MAST2: variants seen among roughly 807,000 people sequenced by gnomAD.
The protein encoded by MAST2 is microtubule-associated serine/threonine-protein kinase 2.
In MAST2, 70 loss-of-function variants were observed where a neutral mutation model predicts 147.4. The observed-to-expected ratio is 0.47, with a 90% CI of 0.39 to 0.58. The LOEUF is 0.58. Ranked by LOEUF, MAST2 falls within the 20% of genes least tolerant of loss-of-function variation. The pLI is 0.00. For synonymous variants in MAST2, 869 were observed against 896.8 expected, an observed-to-expected ratio of 0.97 and a Z score of 0.55; for missense variants, 2,080 against 2,302.3, an observed-to-expected ratio of 0.90 and a Z score of 1.98.
Position 45,913,507 on chromosome 1 carries a change from C to T in MAST2, c.500+31112C>T, listed in dbSNP as rs1317232415. On this transcript the variant is annotated intron_variant, in intron 4 of 28. Coordinates refer to ENST00000361297, the MANE Select transcript of MAST2 (RefSeq NM_015112.3). ...GAGGGAGTTTGGTGCTTGTCACTGACGCAGGAACAAGGTGCTTTCTGTAGC... is the reference window on the plus strand; with the variant it reads ...GAGGGAGTTTGGTGCTTGTCACTGATGCAGGAACAAGGTGCTTTCTGTAGC... 1.8e-5 allele frequency: 15 copies of T among 826,780 alleles called. No homozygotes were observed. In the East Asian group the frequency reaches 3.7e-4, roughly 20 times the overall value. 51.2% of individuals were successfully genotyped at this position (826,780 alleles called of 1,614,324 possible). A position where few individuals can be genotyped will look rare whatever the true frequency, so the allele number is the denominator to read the frequency against.
At chr1:45,865,611 G>T (rs1391930920) in intron 3 of MAST2, among the ~76,000 whole-genome samples, 1 of 152,024 alleles carries the variant, frequency 6.6e-6, no homozygotes, top group Admixed American at 6.6e-5. Context: ...TGTCTGTGTT[G>T]TCTGTCCATC....
intron 1 of MAST2, among the ~76,000 whole-genome samples, chr1:45,813,729 C>T (rs377659858): frequency 5.3e-5 from 8 of 152,086 alleles, no homozygotes; most frequent in East Asian, 1.9e-4. Flanking sequence ...GAACTTCTGA[C>T]GTCAGGTGAG....
intron 4 of MAST2, among the ~76,000 whole-genome samples, chr1:45,948,999 A>G (rs1022956914): frequency 7.9e-5 from 12 of 152,254 alleles, no homozygotes; most frequent in African/African-American, 2.9e-4. Flanking sequence ...CCTATTCAGT[A>G]AGTGGTTCTG....
chr1:46,010,004 C>T (rs954346585), intron 9 of MAST2, among the ~76,000 whole-genome samples: 1 of 152,198 alleles, frequency 6.6e-6, no homozygotes, highest in South Asian at 2.1e-4. Flanking sequence ...AGCCAGACCT[C>T]CATTCTCCTC....
chr1:45,852,803 A>G (rs1418557435), intron 3 of MAST2, among the ~76,000 whole-genome samples: 2 of 134,312 alleles, frequency 1.5e-5, no homozygotes, highest in East Asian at 4.9e-4. Context: ...CTTTGTGTGT[A>G]GTATTCCATT....
intron 4 of MAST2, among the ~76,000 whole-genome samples, chr1:45,912,690 G>A (rs1651864020): frequency 6.6e-6 from 1 of 152,204 alleles, no homozygotes; most frequent in African/African-American, 2.4e-5. Flanking sequence ...CTTCTCTTTG[G>A]CTCTCTTAGC....
At position 46,029,850 on chromosome 1, in the gene MAST2, G is replaced by A. The variant is rs1646568520; in HGVS notation, c.2340G>A (p.Lys780=). The change falls in exon 20 of 29, where the codon AAG becomes AAA. Residue 780 remains lysine (K), a synonymous_variant. Coordinates refer to ENST00000361297, the MANE Select transcript of MAST2 (RefSeq NM_015112.3). ...CCACAGGCAGTGCCTATGAGGTGAAGCAGCACCCATTCTTTACTGGTCTGG... is the reference window on the plus strand; with the variant it reads ...CCACAGGCAGTGCCTATGAGGTGAAACAGCACCCATTCTTTACTGGTCTGG... ...RLGTGSAYEV[K]QHPFFTGLDW... 1 of 1,614,192 alleles carries A rather than the reference G, an allele frequency of 6.2e-7. No individual in the cohort carries two copies. Among genetic ancestry groups the A allele is most frequent in the Non-Finnish European group, 8.5e-7 (1 of 1,180,034 alleles).
chr1:45,886,556 A>G (rs1198027445), intron 4 of MAST2, among the ~76,000 whole-genome samples: 2 of 152,006 alleles, frequency 1.3e-5, no homozygotes, highest in Non-Finnish European at 2.9e-5. Context: ...TCATATTTAA[A>G]CCCATCTGGG....
At chr1:45,811,378 G>GC (rs2148641943) in intron 1 of MAST2, among the ~76,000 whole-genome samples, 1 of 132,808 alleles carries the variant, frequency 7.5e-6, no homozygotes, top group East Asian at 2.3e-4. Context: ...ACGCTCTGTC[G>GC]CCCAGACTCG....
chr1:45,938,750 C>A (rs1656671291), intron 4 of MAST2, among the ~76,000 whole-genome samples: 1 of 152,150 alleles, frequency 6.6e-6, no homozygotes, highest in African/African-American at 2.4e-5. Flanking sequence ...TGATTTTAAC[C>A]ATTCTAGTGG....
At chr1:45,876,208 T>A (rs186155744) in intron 3 of MAST2, among the ~76,000 whole-genome samples, 1 of 152,184 alleles carries the variant, frequency 6.6e-6, no homozygotes, top group Non-Finnish European at 1.5e-5. Flanking sequence ...TTAAATGGGC[T>A]GGTAAGGTCT....
chr1:45,989,392 C>T (rs1644772788), intron 5 of MAST2, among the ~76,000 whole-genome samples: 1 of 152,124 alleles, frequency 6.6e-6, no homozygotes, highest in South Asian at 2.1e-4. Flanking sequence ...CCTGTAGTTC[C>T]TTTGATCTTT....
intron 11 of MAST2, 96 bp from the exon 12 acceptor site, chr1:46,021,854 T>G: frequency 8.4e-7 from 1 of 1,188,626 alleles, no homozygotes; most frequent in Non-Finnish European, 1.2e-6. Context: ...AGAGAAAGTC[T>G]TGTTCATCTC....
chr1:45,922,455 A>T (rs1195258019), intron 4 of MAST2, among the ~76,000 whole-genome samples: 1 of 152,156 alleles, frequency 6.6e-6, no homozygotes, highest in African/African-American at 2.4e-5. Flanking sequence ...CCTCCTTCCC[A>T]TGCTTGTCAG....
rs183568059 is a variant in MAST2 at position 45,884,810 on chromosome 1, G to A, written c.500+2415G>A. Among the ~76,000 whole-genome samples, 42 of 152,250 alleles carry A rather than the reference G, an allele frequency of 2.8e-4. 1 individual carries two copies. Among genetic ancestry groups the A allele is most frequent in the African/African-American group, 9.4e-4 (39 of 41,544 alleles). ...ATAGGCTTTGCCACTAACAAATTAT[G>A]TGTGGCTTTAAAACAGGAGCTCCCA... On this transcript the variant is annotated intron_variant, in intron 4 of 28. Coordinates refer to ENST00000361297, the MANE Select transcript of MAST2 (RefSeq NM_015112.3).
In MAST2 at chr1:46,030,671, G is replaced by A. The variant is rs187418587; in HGVS notation, c.2618G>A (p.Arg873His). The A allele has an allele frequency of 4.8e-5, 77 of 1,611,280 alleles. 1 individual carries two copies. Among genetic ancestry groups the A allele is most frequent in the South Asian group, 1.8e-4 (16 of 90,422 alleles). ...CGCCGGACACCACCCCCGACCAAGC[G>A]CAGCCTGAGTGAGGAGAAGGAGGAC... Reference protein sequence around the residue: ...EERRTPPPTKRSLSEEKEDHS... With the variant: ...EERRTPPPTKHSLSEEKEDHS... Residue 873 changes from arginine (R) to histidine (H), a missense_variant, in exon 22 of 29, where the codon CGC becomes CAC. By Grantham distance (29) the Arg-to-His change is conservative. Coordinates refer to ENST00000361297, the MANE Select transcript of MAST2 (RefSeq NM_015112.3).
chr1:45,979,306 T>C (rs1311361073), intron 5 of MAST2, among the ~76,000 whole-genome samples: 2 of 152,228 alleles, frequency 1.3e-5, no homozygotes, highest in Non-Finnish European at 2.9e-5. Context: ...GTTTTGTTTA[T>C]AACTTGTTTC....
chr1:45,882,012 TAAAAAAAAA>T (rs71062722), intron 3 of MAST2, among the ~76,000 whole-genome samples: 11 of 39,832 alleles, frequency 2.8e-4, no homozygotes, highest in Middle Eastern at 0.026. Flanking sequence ...CCGTCTCTAC[TAAAAAAAAA>T]AAAAAAAAAA....
intron 3 of MAST2, among the ~76,000 whole-genome samples, chr1:45,853,806 T>A (rs910780944): frequency 6.6e-6 from 1 of 152,214 alleles, no homozygotes; most frequent in African/African-American, 2.4e-5. Context: ...GTCTAAGAAC[T>A]TTTCACCTAT....
Sources: allele counts gnomAD v4.1 joint callset (sites outside exome capture counted in the v4.1 genomes callset), GRCh38; gene constraint gnomAD v4.1.1; transcripts MANE v1.5; gene names NCBI Gene and HGNC (gene_info 2026-07-23, HGNC 2026-07-21).